FAM135A: variants seen among roughly 807,000 people sequenced by gnomAD.
FAM135A encodes family with sequence similarity 135 member A.
Under a neutral mutation model 146.8 loss-of-function variants are expected in FAM135A, and 79 were observed. That is an observed-to-expected ratio of 0.54 (90% confidence interval 0.45 to 0.65). FAM135A has a LOEUF of 0.65. Ranked by LOEUF, FAM135A falls within the 30% of genes least tolerant of loss-of-function variation. The probability of loss-of-function intolerance (pLI) is 0.00; values close to 1 mark genes in which losing one functional copy is unlikely to be tolerated. For missense variants in FAM135A, 1,623 were observed against 1,758.2 expected (o/e 0.92, Z 1.38); for synonymous variants, 562 against 603.6 (o/e 0.93, Z 1.01).
At chr6:70,537,869 A>G (rs12111206) in intron 19 of FAM135A, among the ~76,000 whole-genome samples, 2,878 of 152,342 alleles carry the variant, frequency 0.019, 96 homozygotes, top group African/African-American at 0.065. Flanking sequence ...TCTGTTTGCA[A>G]TTAGTCTATT....
intron 5 of FAM135A, among the ~76,000 whole-genome samples, chr6:70,458,491 C>T (rs1322201065): frequency 6.6e-6 from 1 of 152,108 alleles, no homozygotes; most frequent in Non-Finnish European, 1.5e-5. Flanking sequence ...GTGAGACATG[C>T]TGTTTTTCTC....
chr6:70,457,595 A>G (rs1210523672), intron 5 of FAM135A, among the ~76,000 whole-genome samples: 5 of 152,172 alleles, frequency 3.3e-5, no homozygotes, highest in African/African-American at 9.7e-5. Flanking sequence ...TGAGAGAAAA[A>G]AAATTCTAGA....
intron 4 of FAM135A, among the ~76,000 whole-genome samples, chr6:70,449,557 T>C: frequency 6.6e-6 from 1 of 152,208 alleles, no homozygotes; most frequent in Non-Finnish European, 1.5e-5. Context: ...TCTAGGTTCA[T>C]TCATGTTGTT....
At chr6:70,419,890 G>C (rs1581964713) in intron 2 of FAM135A, among the ~76,000 whole-genome samples, 1 of 152,074 alleles carries the variant, frequency 6.6e-6, no homozygotes, top group African/African-American at 2.4e-5. Flanking sequence ...TTTTCTTAAA[G>C]CTAAAGGAAA....
At chr6:70,425,763 GTACTCAGGGAGT>G (rs1769941343) in intron 2 of FAM135A, among the ~76,000 whole-genome samples, 1 of 152,070 alleles carries the variant, frequency 6.6e-6, no homozygotes, top group Non-Finnish European at 1.5e-5. Context: ...ACATATATAC[GTACTCAGGGAGT>G]TACTTTAAAA....
chr6:70,547,176 C>T (rs1459488750), intron 20 of FAM135A, among the ~76,000 whole-genome samples: 1 of 152,088 alleles, frequency 6.6e-6, no homozygotes, highest in Non-Finnish European at 1.5e-5. Flanking sequence ...GTCCTGCTGT[C>T]CTACTGTGGC....
intron 20 of FAM135A, among the ~76,000 whole-genome samples, chr6:70,551,994 T>C (rs1799908513): frequency 6.6e-6 from 1 of 152,200 alleles, no homozygotes; most frequent in African/African-American, 2.4e-5. Flanking sequence ...ATGGACTTGC[T>C]CAATGCAGGG....
intron 11 of FAM135A, among the ~76,000 whole-genome samples, chr6:70,500,274 G>A (rs1788193805): frequency 6.6e-6 from 1 of 151,968 alleles, no homozygotes; most frequent in South Asian, 2.1e-4. Flanking sequence ...CATCGATTTG[G>A]CTATTGATAT....
chr6:70,477,209 TG>T lies in FAM135A; in HGVS notation c.420del (p.His141ThrfsTer39). On this transcript the variant is annotated frameshift_variant, in exon 8 of 22. Coordinates refer to ENST00000418814, the MANE Select transcript of FAM135A (RefSeq NM_001162529.3). LOFTEE classifies it high-confidence loss of function. Reference sequence around the variant, plus strand: ...CTAATAAGTAGCCGAACATTGAAGCTGCACTTTAGCCCCCATAGAGGCCTTC... The same window carrying T: ...CTAATAAGTAGCCGAACATTGAAGCTCACTTTAGCCCCCATAGAGGCCTTC... ...LQLISSRTLK[L>X]HFSPHRGLHH... 2 of 1,613,698 alleles carry T rather than the reference TG, an allele frequency of 1.2e-6. No homozygotes were observed. The highest frequency in any genetic ancestry group is 1.7e-6 in the Non-Finnish European group (2 of 1,179,732).
intron 12 of FAM135A, among the ~76,000 whole-genome samples, chr6:70,517,636 C>A (rs1196785006): frequency 1.3e-5 from 2 of 152,026 alleles, no homozygotes; most frequent in Non-Finnish European, 2.9e-5. Context: ...TTAGGCTGGT[C>A]TCGAACTCCT....
intron 5 of FAM135A, among the ~76,000 whole-genome samples, chr6:70,461,353 G>T (rs931306517): frequency 1.3e-5 from 2 of 152,034 alleles, no homozygotes; most frequent in Non-Finnish European, 2.9e-5. Context: ...GTAAAGGGCT[G>T]TATACCTTTT....
At chr6:70,527,055 TTTTTTCATCAGTCCCTC>T (rs1428736035) in intron 15 of FAM135A, among the ~76,000 whole-genome samples, 2 of 152,026 alleles carry the variant, frequency 1.3e-5, no homozygotes, top group African/African-American at 4.8e-5. Flanking sequence ...CTTAAAACCC[TTTTTTCATCAGTCCCTC>T]ATTTCTCCTC....
chr6:70,534,645 A>G (rs997919432), intron 18 of FAM135A, among the ~76,000 whole-genome samples: 7 of 152,268 alleles, frequency 4.6e-5, no homozygotes, highest in African/African-American at 1.7e-4. Flanking sequence ...TTTGTGAGTC[A>G]GTTTTCCACA....
chr6:70,443,525 C>G (rs1465658577), intron 4 of FAM135A, among the ~76,000 whole-genome samples: 1 of 152,114 alleles, frequency 6.6e-6, no homozygotes, highest in African/African-American at 2.4e-5. Flanking sequence ...CGCACAGTGG[C>G]GAAATCAATC....
Position 70,525,171 on chromosome 6 carries a change from T to C in FAM135A, c.2087T>C (p.Phe696Ser). Residue 696 changes from phenylalanine to serine, a missense_variant, in exon 15 of 22, where the codon TTT becomes TCT. Phe to Ser is a radical substitution (Grantham distance 155, BLOSUM62 -2). This residue lies in a region of FAM135A where 1,061 missense variants were observed against 1,113.8 expected (regional missense o/e 0.95). Transcript: ENST00000418814. ...EILVDNLLPN[F>S]ESLESNGKSK... ...CTTGTGGATAATTTACTACCCAACT[T>C]TGAGTCCTTAGAATCTAATGGTAAA... is the stretch of plus-strand genomic sequence containing the variant. 1 of 1,588,230 alleles carries C rather than the reference T, an allele frequency of 6.3e-7. No individual in the cohort carries two copies. Among genetic ancestry groups the C allele is most frequent in the Non-Finnish European group, 8.5e-7 (1 of 1,170,966 alleles).
At chr6:70,426,074 C>CA (rs1181383122) in intron 2 of FAM135A, among the ~76,000 whole-genome samples, 2 of 149,256 alleles carry the variant, frequency 1.3e-5, no homozygotes, top group Non-Finnish European at 3.0e-5. Flanking sequence ...CTGCAGTCCG[C>CA]AGTCTGGCCT....
intron 5 of FAM135A, among the ~76,000 whole-genome samples, chr6:70,474,349 T>A (rs1159959819): frequency 6.6e-6 from 1 of 152,180 alleles, no homozygotes; most frequent in African/African-American, 2.4e-5. Context: ...GCAGGTAGGC[T>A]GTTGGAGTGA....
chr6:70,540,925 A>C (rs1797801260), intron 20 of FAM135A, among the ~76,000 whole-genome samples: 1 of 152,128 alleles, frequency 6.6e-6, no homozygotes, highest in Admixed American at 6.5e-5. Flanking sequence ...ACCTTTCCTC[A>C]AACATCAGGT....
intron 12 of FAM135A, among the ~76,000 whole-genome samples, chr6:70,508,517 A>C: frequency 6.6e-6 from 1 of 152,316 alleles, no homozygotes; most frequent in African/African-American, 2.4e-5. Flanking sequence ...CTGGAATTAT[A>C]AGTCCAATAT....
Sources: gnomAD v4.1 joint callset for allele counts (sites outside exome capture counted in the v4.1 genomes callset) on GRCh38, gnomAD v4.1.1 for gene constraint, gnomAD v4.1.1 regional missense constraint, MANE v1.5 for transcripts, NCBI Gene and HGNC (gene_info 2026-07-23, HGNC 2026-07-21) for gene names.